The following LCOR variants were observed in gnomAD, a reference collection of about 807,000 sequenced individuals.
LCOR encodes the protein ligand dependent nuclear receptor corepressor, also known as ligand-dependent corepressor.
Under a neutral mutation model 64.4 loss-of-function variants are expected in LCOR, and 14 were observed. That is an observed-to-expected ratio of 0.22 (90% confidence interval 0.14 to 0.34). The LOEUF is 0.34. Among genes scored for constraint, LCOR ranks in the 10% least tolerant of loss-of-function variants. The pLI is 1.00. For synonymous variants in LCOR, 643 were observed against 642.5 expected (o/e 1.00, Z -0.01); for missense variants, 1,686 against 1,765.3 (o/e 0.96, Z 0.80).
At chr10:96,865,686 C>T (rs1380092746) in intron 2 of LCOR, among the ~76,000 whole-genome samples, 1 of 151,930 alleles carries the variant, frequency 6.6e-6, no homozygotes, top group East Asian at 1.9e-4. Flanking sequence ...ACCAGCCTGG[C>T]CAACATGGGG....
At chr10:96,832,664 C>T (rs985881593) in intron 1 of LCOR, among the ~76,000 whole-genome samples, 3 of 150,612 alleles carry the variant, frequency 2.0e-5, no homozygotes, top group African/African-American at 7.3e-5. Flanking sequence ...GGTTCCTCCC[C>T]CTCCCGCTCT....
At chr10:96,923,135 T>C (rs1175029377) in intron 4 of LCOR, among the ~76,000 whole-genome samples, 1 of 152,214 alleles carries the variant, frequency 6.6e-6, no homozygotes, top group Non-Finnish European at 1.5e-5. Flanking sequence ...GCATTTAAAG[T>C]AATAAGATGT....
At chr10:96,856,405 C>T (rs1845805344) in intron 2 of LCOR, among the ~76,000 whole-genome samples, 1 of 151,450 alleles carries the variant, frequency 6.6e-6, no homozygotes, top group South Asian at 2.1e-4. Context: ...TTTTCTTTCC[C>T]TTCCTTCCCT....
chr10:96,867,758 A>T (rs937616790), intron 2 of LCOR, among the ~76,000 whole-genome samples: 1 of 152,134 alleles, frequency 6.6e-6, no homozygotes, highest in Non-Finnish European at 1.5e-5. Context: ...TATATATTTA[A>T]TCTACTTAAT....
chr10:96,973,316 G>A (rs967648865), intron 7 of LCOR, among the ~76,000 whole-genome samples: 6 of 152,104 alleles, frequency 3.9e-5, no homozygotes, highest in African/African-American at 1.4e-4. Flanking sequence ...CTAAAGAGTG[G>A]AAAAATAAAA....
At chr10:96,884,826 A>G (rs771470526) in intron 2 of LCOR, among the ~76,000 whole-genome samples, 23 of 152,310 alleles carry the variant, frequency 1.5e-4, no homozygotes, top group Middle Eastern at 6.8e-3. Flanking sequence ...AGTTGGTTTT[A>G]ATACATGGGT....
intron 7 of LCOR, among the ~76,000 whole-genome samples, chr10:96,970,266 C>T (rs1021019372): frequency 2.0e-5 from 3 of 151,948 alleles, no homozygotes; most frequent in South Asian, 2.1e-4. Context: ...GGTGTGGTGG[C>T]GCTTGCCTGT....
intron 4 of LCOR, among the ~76,000 whole-genome samples, chr10:96,938,726 T>C (rs1037996792): frequency 1.3e-5 from 2 of 152,198 alleles, no homozygotes; most frequent in Admixed American, 1.3e-4. Context: ...ATTGTATTGC[T>C]ATACACTAGC....
Position 96,985,268 on chromosome 10 carries a change from G to A in LCOR, c.*134G>A. On this transcript the variant is annotated 3_prime_UTR_variant, in exon 8 of 8. Transcript: ENST00000421806. ...AATGGAGAACACCGTAATTTGAGAT[G>A]TCAGAAAATGCATCTCAGATGGAGA... The A allele has an allele frequency of 2.7e-6, 3 of 1,122,840 alleles. No homozygotes were observed. Among genetic ancestry groups the A allele is most frequent in the Non-Finnish European group, 3.6e-6 (3 of 833,202 alleles). 69.6% of individuals were successfully genotyped at this position (1,122,840 alleles called of 1,614,324 possible). A position where few individuals can be genotyped will look rare whatever the true frequency, so the allele number is the denominator to read the frequency against.
Position 96,907,729 on chromosome 10 carries a change from G to A in LCOR, c.-202G>A. 1.0e-6 allele frequency: 1 copy of A among 982,120 alleles called. No individual in the cohort carries two copies. Among genetic ancestry groups the A allele is most frequent in the Non-Finnish European group, 1.2e-6 (1 of 826,588 alleles). 60.8% of individuals were successfully genotyped at this position (982,120 alleles called of 1,614,324 possible). ...ATGAAAACTGTTTATTCTGTTGCTT[G>A]AGAAGAGATAAAGTAAAGGTAACTA... is the stretch of plus-strand genomic sequence containing the variant. On this transcript the variant is annotated 5_prime_UTR_variant, in exon 4 of 8. It removes the in-frame stop codon of an upstream open reading frame in the 5' UTR. Coordinates refer to ENST00000421806, the MANE Select transcript of LCOR (RefSeq NM_001346516.2).
rs1478827968 is a variant in LCOR at position 96,842,568 on chromosome 10, A to G, written c.-330+9089A>G. Among the ~76,000 whole-genome samples the G allele has an allele frequency of 2.0e-5, 3 of 152,046 alleles. No homozygotes were observed. The East Asian group carries it at 5.8e-4, about 29-fold the overall frequency. On this transcript the variant is annotated intron_variant, in intron 2 of 7. Coordinates refer to ENST00000421806, the MANE Select transcript of LCOR (RefSeq NM_001346516.2). ...TAATATAGTAACAGGCTCCTCTGGTACGTTTAGAATGATCAGTTGATACAA... is the reference window on the plus strand; with the variant it reads ...TAATATAGTAACAGGCTCCTCTGGTGCGTTTAGAATGATCAGTTGATACAA...
At chr10:96,944,832 T>G (rs1444182515) in intron 5 of LCOR, among the ~76,000 whole-genome samples, 3 of 152,162 alleles carry the variant, frequency 2.0e-5, no homozygotes, top group Non-Finnish European at 4.4e-5. Flanking sequence ...TTGAAACTTT[T>G]GTAGGCTTGT....
chr10:96,891,718 T>A (rs1846447663), intron 2 of LCOR, among the ~76,000 whole-genome samples: 1 of 151,718 alleles, frequency 6.6e-6, no homozygotes, highest in Admixed American at 6.6e-5. Flanking sequence ...AATTTTTGTA[T>A]TTTTAGTTAG....
chr10:96,849,470 G>T (rs1173015279), intron 2 of LCOR, among the ~76,000 whole-genome samples: 1 of 152,098 alleles, frequency 6.6e-6, no homozygotes, highest in East Asian at 1.9e-4. Context: ...TCGGCCTCCC[G>T]AAGTGCTGTG....
intron 7 of LCOR, among the ~76,000 whole-genome samples, chr10:96,979,815 G>A (rs1188565108): frequency 2.6e-4 from 39 of 152,154 alleles, no homozygotes; most frequent in Non-Finnish European, 5.9e-5. Flanking sequence ...GCATTAGCAT[G>A]ACCAATTGGT....
chr10:96,987,944 G>A lies in LCOR; in HGVS notation c.*2810G>A, dbSNP rs1435151381. 1.3e-5 allele frequency: 2 copies of A among 152,174 alleles called. No individual in the cohort carries two copies. The highest frequency in any genetic ancestry group is 2.1e-4 in the South Asian group (1 of 4,824). 9.4% of individuals were successfully genotyped at this position (152,174 alleles called of 1,614,324 possible). Reference sequence around the variant, plus strand: ...GCAAAAGCAGTCCATCCCACATTCCGATCCAAATCAGAAAGGAATTCTCCT... The same window carrying A: ...GCAAAAGCAGTCCATCCCACATTCCAATCCAAATCAGAAAGGAATTCTCCT... On this transcript the variant is annotated 3_prime_UTR_variant, in exon 8 of 8. Transcript: ENST00000421806.
chr10:96,951,498 G>A (rs755517310), intron 6 of LCOR, among the ~76,000 whole-genome samples: 8 of 151,928 alleles, frequency 5.3e-5, no homozygotes, highest in African/African-American at 9.7e-5. Flanking sequence ...ATTTTTTATA[G>A]ATGGTCTAGA....
chr10:96,959,229 C>T (rs1369505030), intron 7 of LCOR: 1 of 152,042 alleles, frequency 6.6e-6, no homozygotes, highest in Non-Finnish European at 1.5e-5. Flanking sequence ...TATTAGCATG[C>T]TTAATTTCTG....
At chr10:96,947,026 GA>G (rs1317132008) in intron 5 of LCOR, among the ~76,000 whole-genome samples, 2 of 152,084 alleles carry the variant, frequency 1.3e-5, no homozygotes, top group Admixed American at 1.3e-4. Flanking sequence ...TATGTAGGGA[GA>G]AAAGTGGGTC....
Sources: allele counts gnomAD v4.1 joint callset (sites outside exome capture counted in the v4.1 genomes callset), GRCh38; gene constraint gnomAD v4.1.1; transcripts MANE v1.5; gene names NCBI Gene and HGNC (gene_info 2026-07-23, HGNC 2026-07-21).